GSE1: variants seen among roughly 807,000 people sequenced by gnomAD.
The protein encoded by GSE1 is genetic suppressor element 1.
GSE1 carries 32 observed loss-of-function variants against 112.6 expected under a neutral mutation model. That is an observed-to-expected ratio of 0.28 (90% CI 0.21 to 0.38). GSE1 has a LOEUF of 0.38. GSE1 is among the 10% of genes least tolerant of loss of function. The probability of loss-of-function intolerance (pLI) is 1.00; values close to 1 mark genes in which losing one functional copy is unlikely to be tolerated. For synonymous variants in GSE1, 1,115 were observed against 735.6 expected, an observed-to-expected ratio of 1.52 and a Z score of -8.35; for missense variants, 2,348 against 1,699.2, an observed-to-expected ratio of 1.38 and a Z score of -6.71.
chr16:85,665,847 TC>T (rs2052806257), intron 12 of GSE1, 128 bp from the exon 13 acceptor site: 1 of 833,258 alleles, frequency 1.2e-6, no homozygotes, highest in Non-Finnish European at 1.9e-6. Flanking sequence ...ACTTAAATGT[TC>T]CCCGGGTCTT....
rs552324816 is a variant in GSE1, at chr16:85,674,205, C to G, written c.*1666C>G. 84 of 152,084 alleles carry G rather than the reference C, an allele frequency of 5.5e-4. No individual in the cohort carries two copies. Among genetic ancestry groups the G allele is most frequent in the African/African-American group, 2.0e-3 (82 of 41,270 alleles). The allele number at this position is 152,084 out of a possible 1,614,324, so 9.4% of individuals were successfully genotyped here. A position where few individuals can be genotyped will look rare whatever the true frequency, so the allele number is the denominator to read the frequency against. ...GCTGCTCACTGCTGTGACCAGCAGC[C>G]GAGCCCTTGGCCCTAGCCCTTGCTG... On this transcript the variant is annotated 3_prime_UTR_variant, in exon 16 of 16. Coordinates refer to ENST00000253458, the MANE Select transcript of GSE1 (RefSeq NM_014615.5).
At chr16:85,480,153 G>T (rs1323520033) in intron 2 of GSE1, among the ~76,000 whole-genome samples, 2 of 152,238 alleles carry the variant, frequency 1.3e-5, no homozygotes, top group African/African-American at 2.4e-5. Flanking sequence ...GAGAGGTGAA[G>T]TAAGGAGCCA....
intron 1 of GSE1, among the ~76,000 whole-genome samples, chr16:85,628,086 G>A (rs1376251034): frequency 6.6e-6 from 1 of 152,214 alleles, no homozygotes; most frequent in African/African-American, 2.4e-5. Flanking sequence ...CAGGCCCAGG[G>A]GGACCCCTCC....
At chr16:85,226,431 A>C (rs981501341) in intron 1 of GSE1, among the ~76,000 whole-genome samples, 1 of 152,214 alleles carries the variant, frequency 6.6e-6, no homozygotes, top group Non-Finnish European at 1.5e-5. Context: ...GGTGAAGGAC[A>C]AGTGGAGGGA....
rs35279881 is a variant in GSE1, at chr16:85,456,579, CGTGTGTGTGTGTGTGTGTGT to C, written c.2464+98978_2464+98997del. ...AGGGAGGGGAGGGTCATTTTCCTGC[CGTGTGTGTGTGTGTGTGTGT>C]GTGTGTGTGTGTGTGTGTGTGTGTG... On this transcript the variant is annotated intron_variant, in intron 2 of 2. Coordinates refer to the GSE1 transcript ENST00000637419. Among the ~76,000 whole-genome samples, 461 of 91,548 alleles carry C rather than the reference CGTGTGTGTGTGTGTGTGTGT, an allele frequency of 5.0e-3. 6 individuals are homozygous for C. Among genetic ancestry groups the C allele is most frequent in the African/African-American group, 0.014 (362 of 25,426 alleles). The allele number at this position is 91,548 out of a possible 152,430, so 60.1% of individuals were successfully genotyped here.
intron 1 of GSE1, among the ~76,000 whole-genome samples, chr16:85,178,468 C>G (rs2074513388): frequency 6.6e-6 from 1 of 152,102 alleles, no homozygotes; most frequent in Non-Finnish European, 1.5e-5. Flanking sequence ...TTTAAAAATA[C>G]CAATGACAGG....
At position 85,652,619 on chromosome 16, in the gene GSE1, C is replaced by T. The variant is rs944973846; in HGVS notation, c.427-1659C>T. On this transcript the variant is annotated intron_variant, in intron 3 of 15. Transcript: ENST00000253458. ...TCCTGGAGGGTGGAGAGAGGGGAGG[C>T]GCCGGCCCGGGCTGCCTGCACTGCC... is the stretch of plus-strand genomic sequence containing the variant. Among the ~76,000 whole-genome samples the T allele has an allele frequency of 3.7e-4, 56 of 152,286 alleles. 1 individual carries two copies. The highest frequency in any genetic ancestry group is 3.0e-3 in the Admixed American group (46 of 15,306).
At chr16:85,274,168 G>A (rs142854814) in intron 1 of GSE1, among the ~76,000 whole-genome samples, 2,721 of 151,434 alleles carry the variant, frequency 0.018, 79 homozygotes, top group African/African-American at 0.062. Flanking sequence ...GCTGGATCAC[G>A]AGGTTAGGAG....
At chr16:85,571,921 G>A (rs2045998355) in intron 1 of GSE1, among the ~76,000 whole-genome samples, 1 of 152,142 alleles carries the variant, frequency 6.6e-6, no homozygotes, top group Non-Finnish European at 1.5e-5. Context: ...GCAGTTTCAT[G>A]AAGGAAGGAG....
intron 1 of GSE1, among the ~76,000 whole-genome samples, chr16:85,194,142 A>G (rs4783146): frequency 0.17 from 25,912 of 152,046 alleles, 2,277 homozygotes; most frequent in Non-Finnish European, 0.19. Flanking sequence ...CACGCCCCTG[A>G]ATCCGTTCAG....
chr16:85,442,329 C>T (rs914886674), intron 2 of GSE1, among the ~76,000 whole-genome samples: 1 of 152,176 alleles, frequency 6.6e-6, no homozygotes, highest in African/African-American at 2.4e-5. Flanking sequence ...CGTCCTGGCC[C>T]CATCTCAGCA....
chr16:85,582,714 G>A (rs1203632020), intron 1 of GSE1, among the ~76,000 whole-genome samples: 2 of 152,082 alleles, frequency 1.3e-5, no homozygotes, highest in Non-Finnish European at 2.9e-5. Context: ...TCAGGGCGTC[G>A]GGGTGGGGAC....
chr16:85,458,627 C>G (rs1191242898), intron 2 of GSE1, among the ~76,000 whole-genome samples: 1 of 152,224 alleles, frequency 6.6e-6, no homozygotes, highest in Non-Finnish European at 1.5e-5. Flanking sequence ...GTGGCTATCA[C>G]ACCACAGCAG....
intron 1 of GSE1, among the ~76,000 whole-genome samples, chr16:85,240,210 G>T (rs1905063012): frequency 6.6e-6 from 1 of 152,234 alleles, no homozygotes; most frequent in Non-Finnish European, 1.5e-5. Context: ...TCACTGTTCT[G>T]ATGACACGTG....
chr16:85,289,600 G>A (rs1015940998), intron 1 of GSE1, among the ~76,000 whole-genome samples: 5 of 152,226 alleles, frequency 3.3e-5, no homozygotes, highest in Non-Finnish European at 7.3e-5. Context: ...ACCACACTTT[G>A]AGAACCATGG....
rs114360164 is a variant in GSE1, at chr16:85,415,451, G to A, written c.2464+57808G>A. ...CTGAGGGCGTCCTGGGGTTTGCTAC[G>A]GCAAACTTGCCATCCTAGAGATGCA... On this transcript the variant is annotated intron_variant, in intron 2 of 2. Transcript: ENST00000637419. Among the ~76,000 whole-genome samples, 570 of 152,302 alleles carry A rather than the reference G, an allele frequency of 3.7e-3. 4 individuals are homozygous for A. The highest frequency in any genetic ancestry group is 0.013 in the African/African-American group (542 of 41,568).
intron 2 of GSE1, among the ~76,000 whole-genome samples, chr16:85,374,480 T>C (rs1383572710): frequency 6.6e-6 from 1 of 151,854 alleles, no homozygotes; most frequent in Non-Finnish European, 1.5e-5. Flanking sequence ...TGTATGATTG[T>C]GTGTGGGTGT....
intron 1 of GSE1, among the ~76,000 whole-genome samples, chr16:85,240,476 G>T (rs1294583888): frequency 1.3e-5 from 2 of 152,250 alleles, no homozygotes; most frequent in Non-Finnish European, 2.9e-5. Flanking sequence ...TGGGGCTGCT[G>T]CTGGCCTTTC....
At chr16:85,420,519 G>T (rs899011631) in intron 2 of GSE1, among the ~76,000 whole-genome samples, 2 of 139,048 alleles carry the variant, frequency 1.4e-5, no homozygotes, top group African/African-American at 3.4e-5. Flanking sequence ...CAGGGCCAAG[G>T]GGGGTGGCAC....
Sources: gnomAD v4.1 joint callset for allele counts (sites outside exome capture counted in the v4.1 genomes callset) on GRCh38, gnomAD v4.1.1 for gene constraint, MANE v1.5 for transcripts, NCBI Gene and HGNC (gene_info 2026-07-23, HGNC 2026-07-21) for gene names.